Variants in IFT25 observed in about 807,000 individuals in gnomAD.
IFT25 encodes intraflagellar transport protein 25 homolog.
At chr1:53,929,786 G>A in the IFT25 span, 2 of 391,256 alleles carry the variant, frequency 5.1e-6, no homozygotes, top group African/African-American at 2.1e-5. Flanking sequence ...ATTATTATGT[G>A]CTTTGGAAGG....
chr1:53,921,659 A>G, the IFT25 span: 13 of 1,586,136 alleles, frequency 8.2e-6, no homozygotes, highest in East Asian at 2.5e-4. Context: ...CATTATGAGG[A>G]AAGATTTGAG....
chr1:53,930,247 T>G, the IFT25 span: 1 of 1,081,634 alleles, frequency 9.2e-7, no homozygotes, highest in Non-Finnish European at 1.3e-6. Flanking sequence ...GACTACTGGA[T>G]TCTCACATCT....
At chr1:53,933,180 G>A in the IFT25 span, among the ~76,000 whole-genome samples, 1 of 143,586 alleles carries the variant, frequency 7.0e-6, no homozygotes, top group Non-Finnish European at 1.5e-5. Context: ...CTGTCGCCCA[G>A]GCTGGAGCGC....
At chr1:53,940,063 C>G in the IFT25 span, 1 of 1,605,648 alleles carries the variant, frequency 6.2e-7, no homozygotes, top group South Asian at 1.1e-5. Flanking sequence ...AGAGCTCAGA[C>G]AGAGATCAAT....
chr1:53,941,785 C>T, the IFT25 span, among the ~76,000 whole-genome samples: 1 of 152,158 alleles, frequency 6.6e-6, no homozygotes, highest in African/African-American at 2.4e-5. Flanking sequence ...GTAGCAGTAA[C>T]ATTAGTTTAC....
At chr1:53,943,471 C>A in the IFT25 span, among the ~76,000 whole-genome samples, 1 of 139,202 alleles carries the variant, frequency 7.2e-6, no homozygotes, top group Non-Finnish European at 1.5e-5. Context: ...TTAACTGTCA[C>A]AACTTGGGAG....
At chr1:53,916,829 T>C in the IFT25 span, 1 of 396,530 alleles carries the variant, frequency 2.5e-6, no homozygotes. Context: ...ATGCCTTTCC[T>C]ACTCTTCTCC....
the IFT25 span, chr1:53,945,987 G>A: frequency 7.4e-6 from 1 of 135,310 alleles, no homozygotes; most frequent in Non-Finnish European, 1.6e-5. Context: ...CCGCCCCCTC[G>A]CGGCGGCCTC....
the IFT25 span, chr1:53,921,864 T>G: frequency 4.1e-6 from 3 of 740,678 alleles, no homozygotes; most frequent in East Asian, 2.5e-5. Context: ...AAGAGTAATA[T>G]TCTAAATATA....
At chr1:53,913,898 C>G in the IFT25 span, among the ~76,000 whole-genome samples, 1 of 152,212 alleles carries the variant, frequency 6.6e-6, no homozygotes, top group Admixed American at 6.5e-5. Flanking sequence ...AAGGGTTCAC[C>G]AGAAACTATG....
At chr1:53,939,112 C>T in the IFT25 span, among the ~76,000 whole-genome samples, 301 of 147,182 alleles carry the variant, frequency 2.0e-3, 1 homozygote, top group Non-Finnish European at 3.5e-3. Context: ...AGTTCTCAGG[C>T]TGGGCTCAGT....
At chr1:53,939,236 C>T in the IFT25 span, among the ~76,000 whole-genome samples, 1 of 149,488 alleles carries the variant, frequency 6.7e-6, no homozygotes, top group Non-Finnish European at 1.5e-5. Context: ...CTAAAAAATA[C>T]AAAAATTAGC....
chr1:53,940,017 A>T, the IFT25 span: 5 of 1,610,434 alleles, frequency 3.1e-6, no homozygotes, highest in Non-Finnish European at 4.2e-6. Context: ...GGTGTTTTTC[A>T]TCACTTGATG....
chr1:53,936,618 C>T, the IFT25 span, among the ~76,000 whole-genome samples: 2 of 151,990 alleles, frequency 1.3e-5, no homozygotes, highest in Non-Finnish European at 2.9e-5. Flanking sequence ...GTGGTATTAT[C>T]CCCATTTTTC....
the IFT25 span, among the ~76,000 whole-genome samples, chr1:53,943,430 C>T: frequency 6.6e-6 from 1 of 150,968 alleles, no homozygotes; most frequent in East Asian, 2.0e-4. Context: ...AGATTTTGGC[C>T]TCCAAGGGAC....
the IFT25 span, among the ~76,000 whole-genome samples, chr1:53,924,404 C>T: frequency 1.1e-4 from 16 of 152,106 alleles, no homozygotes; most frequent in African/African-American, 3.4e-4. Context: ...ATTGTGTGGC[C>T]CATGAAGTAA....
chr1:53,922,950 C>G, the IFT25 span, among the ~76,000 whole-genome samples: 2 of 152,030 alleles, frequency 1.3e-5, no homozygotes, highest in African/African-American at 4.8e-5. Context: ...TGCTATTTTC[C>G]AAATTTTCTA....
chr1:53,925,102 A>G, the IFT25 span, among the ~76,000 whole-genome samples: 2 of 152,102 alleles, frequency 1.3e-5, no homozygotes, highest in Non-Finnish European at 2.9e-5. Flanking sequence ...CTTTTTGATA[A>G]ATTTTTTACT....
chr1:53,940,296 C>A, the IFT25 span, among the ~76,000 whole-genome samples: 2 of 152,060 alleles, frequency 1.3e-5, no homozygotes, highest in African/African-American at 4.8e-5. Flanking sequence ...ACTATTTCTG[C>A]TACTCTGCTT....
Sources: allele counts gnomAD v4.1 joint callset (sites outside exome capture counted in the v4.1 genomes callset), GRCh38; gene constraint gnomAD v4.1.1; transcripts MANE v1.5; gene names NCBI Gene and HGNC (gene_info 2026-07-23, HGNC 2026-07-21).